Variants in CNTN4 observed in about 807,000 individuals in gnomAD.
The protein encoded by CNTN4 is contactin-4.
A neutral mutation model predicts 122.5 loss-of-function variants in CNTN4; 77 were observed. The ratio of observed to expected loss-of-function variants is 0.63; its 90% CI spans 0.52 to 0.76. The LOEUF is 0.76. Ranked by LOEUF, CNTN4 falls within the 30% of genes least tolerant of loss-of-function variation. CNTN4 has a pLI of 0.00. For synonymous variants in CNTN4, 512 were observed against 447.0 expected (o/e 1.15, Z -1.83); for missense variants, 1,256 against 1,259.1 (o/e 1.00, Z 0.04).
intron 13 of CNTN4, among the ~76,000 whole-genome samples, chr3:2,972,282 C>T (rs1375589039): frequency 1.3e-5 from 2 of 152,072 alleles, no homozygotes; most frequent in Non-Finnish European, 2.9e-5. Flanking sequence ...TATTGTACTC[C>T]TTAATGTTGC....
intron 4 of CNTN4, among the ~76,000 whole-genome samples, chr3:2,717,327 T>G (rs2149373136): frequency 6.6e-6 from 1 of 152,224 alleles, no homozygotes; most frequent in East Asian, 1.9e-4. Flanking sequence ...ATCTGGAATT[T>G]TGGTATATGT....
At chr3:2,209,132 A>G (rs1185342612) in intron 2 of CNTN4, among the ~76,000 whole-genome samples, 1 of 152,176 alleles carries the variant, frequency 6.6e-6, no homozygotes, top group East Asian at 1.9e-4. Flanking sequence ...AGATGTTTTA[A>G]TATCGCCTAG....
chr3:2,569,140 C>T (rs2079309469), intron 3 of CNTN4, among the ~76,000 whole-genome samples: 2 of 152,060 alleles, frequency 1.3e-5, no homozygotes, highest in African/African-American at 2.4e-5. Context: ...TCAGCAGATC[C>T]GAAGTTAAGA....
intron 3 of CNTN4, among the ~76,000 whole-genome samples, chr3:2,567,471 TA>T (rs2079222329): frequency 6.6e-6 from 1 of 152,152 alleles, no homozygotes; most frequent in Non-Finnish European, 1.5e-5. Flanking sequence ...CCCCTCAGCC[TA>T]TAACTCCCAA....
intron 4 of CNTN4, among the ~76,000 whole-genome samples, chr3:2,722,795 T>C (rs1480039326): frequency 6.6e-6 from 1 of 152,242 alleles, no homozygotes; most frequent in East Asian, 1.9e-4. Context: ...GTGCAAATTT[T>C]ATGCTTGTCA....
intron 2 of CNTN4, among the ~76,000 whole-genome samples, chr3:2,136,279 T>C (rs1054408022): frequency 6.6e-6 from 1 of 152,246 alleles, no homozygotes; most frequent in Non-Finnish European, 1.5e-5. Context: ...GATGAAGCTG[T>C]ACCTGAAGCT....
At chr3:2,889,714 T>G (rs2094017174) in intron 10 of CNTN4, among the ~76,000 whole-genome samples, 1 of 152,246 alleles carries the variant, frequency 6.6e-6, no homozygotes, top group Non-Finnish European at 1.5e-5. Flanking sequence ...GTAGCTTAAC[T>G]AATTGAATAA....
At chr3:2,742,057 A>G (rs1192871032) in intron 5 of CNTN4, among the ~76,000 whole-genome samples, 2 of 152,204 alleles carry the variant, frequency 1.3e-5, no homozygotes, top group African/African-American at 4.8e-5. Context: ...AAGAAAGAGC[A>G]AGACAAAGAA....
At chr3:2,637,939 G>C (rs2082736947) in intron 4 of CNTN4, among the ~76,000 whole-genome samples, 1 of 152,170 alleles carries the variant, frequency 6.6e-6, no homozygotes, top group African/African-American at 2.4e-5. Context: ...CCCATACCTG[G>C]AATCAGAATC....
chr3:2,533,989 T>C (rs1314481992), intron 3 of CNTN4, among the ~76,000 whole-genome samples: 1 of 152,068 alleles, frequency 6.6e-6, no homozygotes, highest in Non-Finnish European at 1.5e-5. Context: ...GAGTTCTTTG[T>C]AGATTCTGGA....
At chr3:2,301,908 G>C (rs1178496) in intron 2 of CNTN4, among the ~76,000 whole-genome samples, 66,073 of 152,060 alleles carry the variant, frequency 0.43, 14,932 homozygotes, top group East Asian at 0.6. Flanking sequence ...AGAGAAATCA[G>C]CAATAACATC....
intron 3 of CNTN4, among the ~76,000 whole-genome samples, chr3:2,364,505 T>C (rs1343114332): frequency 2.6e-5 from 4 of 152,018 alleles, no homozygotes; most frequent in South Asian, 2.1e-4. Flanking sequence ...ACCTCTCAAA[T>C]GTTAGCTGAG....
chr3:2,554,899 T>G (rs1429120340), intron 3 of CNTN4, among the ~76,000 whole-genome samples: 2 of 152,202 alleles, frequency 1.3e-5, no homozygotes, highest in Admixed American at 6.5e-5. Context: ...CCATGGGATT[T>G]TCATGGATGA....
Position 2,985,794 on chromosome 3 carries a change from A to G in CNTN4, c.1359-2551A>G, listed in dbSNP as rs557129202. ...TATTGATTTCAAATTGTCAGAAGTA[A>G]CAGTCAAAATACAAACAGAAGGCAG... On this transcript the variant is annotated intron_variant, in intron 13 of 24. Coordinates refer to ENST00000418658, the MANE Select transcript of CNTN4 (RefSeq NM_175607.3). Among the ~76,000 whole-genome samples the G allele has an allele frequency of 2.6e-5, 4 of 152,348 alleles. No individual in the cohort carries two copies. The East Asian group carries it at 7.7e-4, about 29-fold the overall frequency.
intron 4 of CNTN4, among the ~76,000 whole-genome samples, chr3:2,631,544 A>T (rs1360158004): frequency 2.6e-5 from 4 of 152,160 alleles, no homozygotes; most frequent in East Asian, 1.9e-4. Flanking sequence ...ATCTGGTTCT[A>T]TACCGGTTTT....
chr3:2,573,405 G>C (rs1233169398), intron 4 of CNTN4, among the ~76,000 whole-genome samples: 1 of 152,066 alleles, frequency 6.6e-6, no homozygotes, highest in East Asian at 1.9e-4. Flanking sequence ...CTTCCTCCCA[G>C]CAGTATGCCC....
intron 12 of CNTN4, among the ~76,000 whole-genome samples, chr3:2,919,484 A>G (rs1162753991): frequency 6.6e-6 from 1 of 152,198 alleles, no homozygotes; most frequent in South Asian, 2.1e-4. Flanking sequence ...ATACAGATCC[A>G]GGATACATAT....
rs578160939 is a variant in CNTN4, at chr3:2,423,555, A to G, written c.-89+84322A>G. On this transcript the variant is annotated intron_variant, in intron 3 of 24. Transcript: ENST00000418658. ...AATAGATGCATTAATAAACATGACT[A>G]AAATGTACCTTAAATTCACTACAAA... 4.6e-5 allele frequency among the ~76,000 whole-genome samples: 7 copies of G among 151,856 alleles called. No individual in the cohort carries two copies. The South Asian group carries it at 1.5e-3, about 32-fold the overall frequency.
intron 3 of CNTN4, among the ~76,000 whole-genome samples, chr3:2,465,288 A>G (rs2075455187): frequency 1.3e-5 from 2 of 152,240 alleles, no homozygotes; most frequent in Non-Finnish European, 2.9e-5. Context: ...ATTTAGAAAA[A>G]ATAAGTTTTT....
Sources: allele counts gnomAD v4.1 joint callset (sites outside exome capture counted in the v4.1 genomes callset), GRCh38; gene constraint gnomAD v4.1.1; transcripts MANE v1.5; gene names NCBI Gene and HGNC (gene_info 2026-07-23, HGNC 2026-07-21).